Variants in ADGRA3 observed in about 807,000 individuals in gnomAD.
ADGRA3 encodes G-protein coupled receptor 125.
In ADGRA3, 56 loss-of-function variants were observed where a neutral mutation model predicts 119.8. That is an observed-to-expected ratio of 0.47 (90% confidence interval 0.38 to 0.58). The LOEUF is 0.58. Among genes scored for constraint, ADGRA3 ranks in the 20% least tolerant of loss-of-function variants. The pLI, the probability that ADGRA3 is intolerant of heterozygous loss-of-function variation, is 0.00. For synonymous variants in ADGRA3, 607 were observed against 623.8 expected, an observed-to-expected ratio of 0.97 and a Z score of 0.40; for missense variants, 1,516 against 1,649.0, an observed-to-expected ratio of 0.92 and a Z score of 1.40.
At chr4:22,410,861 GAA>G (rs1284912311) in intron 14 of ADGRA3, among the ~76,000 whole-genome samples, 6 of 151,938 alleles carry the variant, frequency 3.9e-5, no homozygotes, top group Admixed American at 1.3e-4. Flanking sequence ...TTAAGAAAAG[GAA>G]AAAGTCTTTG....
At chr4:22,434,263 ATATAT>A (rs1716307589) in intron 10 of ADGRA3, among the ~76,000 whole-genome samples, 1 of 149,900 alleles carries the variant, frequency 6.7e-6, no homozygotes, top group Non-Finnish European at 1.5e-5. Context: ...ATATATAAAA[ATATAT>A]TAGAATGATT....
chr4:22,485,180 C>G (rs778597174), intron 1 of ADGRA3, among the ~76,000 whole-genome samples: 3 of 152,102 alleles, frequency 2.0e-5, no homozygotes, highest in Non-Finnish European at 4.4e-5. Flanking sequence ...CTCCTGGGTT[C>G]AAGCAATTCT....
At chr4:22,504,187 G>A (rs552167683) in intron 1 of ADGRA3, among the ~76,000 whole-genome samples, 1 of 151,826 alleles carries the variant, frequency 6.6e-6, no homozygotes, top group South Asian at 2.1e-4. Context: ...TTGCAAATAT[G>A]CACAATTCAA....
At chr4:22,409,308 A>C (rs2109017951) in intron 14 of ADGRA3, among the ~76,000 whole-genome samples, 1 of 152,348 alleles carries the variant, frequency 6.6e-6, no homozygotes, top group African/African-American at 2.4e-5. Context: ...CACTGTACAA[A>C]CCACTAGAAA....
chr4:22,390,443 TATAA>T (rs1488539514), intron 17 of ADGRA3, among the ~76,000 whole-genome samples: 2 of 64,814 alleles, frequency 3.1e-5, no homozygotes, highest in African/African-American at 6.2e-5. Context: ...TATATATATA[TATAA>T]AATACGTATT....
intron 17 of ADGRA3, among the ~76,000 whole-genome samples, chr4:22,390,607 A>C (rs541726769): frequency 4.0e-5 from 6 of 151,786 alleles, no homozygotes; most frequent in African/African-American, 1.4e-4. Context: ...GATGCTAAAA[A>C]TGTCCTCTCT....
Position 22,387,869 on chromosome 4 carries a change from T to A in ADGRA3, c.3802A>T (p.Lys1268Ter). 1 of 1,614,190 alleles carries A rather than the reference T, an allele frequency of 6.2e-7. No individual in the cohort carries two copies. Among genetic ancestry groups the A allele is most frequent in the Non-Finnish European group, 8.5e-7 (1 of 1,180,008 alleles). Reference protein sequence around the residue: ...STTSKKDALRKPAVVELENQQ... With the variant: ...STTSKKDALR ...TTTTCAAGTTCAACCACAGCTGGCTTCCTTAACGCATCTTTTTTACTAGTG... is the reference window on the plus strand; with the variant it reads ...TTTTCAAGTTCAACCACAGCTGGCTACCTTAACGCATCTTTTTTACTAGTG... The change falls in exon 19 of 19, where the codon AAG becomes TAG. Residue 1268 changes from lysine to a stop codon, truncating the protein, a stop_gained. Transcript: ENST00000334304. LOFTEE classifies it high-confidence loss of function.
In ADGRA3 at chr4:22,447,480, A is replaced by C. The variant is rs1716874572; in HGVS notation, c.505T>G (p.Ser169Ala). The C allele has an allele frequency of 1.3e-6, 2 of 1,581,836 alleles. No homozygotes were observed. The highest frequency in any genetic ancestry group is 2.3e-5 in the East Asian group (1 of 44,216). ...GCAAGATAATCAAAAGTTCCTTGAG[A>C]TAATGAAGAAAACAAATTCCCCGAA... ...NLSGNLFSSL[S>A]QGTFDYLASL... Residue 169 changes from serine to alanine, a missense_variant, in exon 5 of 19, where the codon TCT becomes GCT. By Grantham distance (99) the Ser-to-Ala change is moderately conservative (BLOSUM62 1). This residue lies in a region of ADGRA3 where 428 missense variants were observed against 541.9 expected (regional missense o/e 0.79). Transcript: ENST00000334304.
chr4:22,487,484 C>T (rs1296886101), intron 1 of ADGRA3, among the ~76,000 whole-genome samples: 5 of 152,154 alleles, frequency 3.3e-5, no homozygotes, highest in African/African-American at 7.2e-5. Context: ...CTTGCTCACC[C>T]GCCACTCAAC....
chr4:22,424,691 G>A (rs1363000363), intron 10 of ADGRA3, among the ~76,000 whole-genome samples: 1 of 152,190 alleles, frequency 6.6e-6, no homozygotes, highest in Admixed American at 6.5e-5. Context: ...AGAATAAAAA[G>A]ATCTTGACTG....
intron 12 of ADGRA3, among the ~76,000 whole-genome samples, chr4:22,416,359 G>A (rs566702487): frequency 9.9e-5 from 15 of 152,198 alleles, no homozygotes; most frequent in Admixed American, 4.6e-4. Flanking sequence ...ACAAGTTTTC[G>A]GTTTCCAGTA....
chr4:22,425,705 C>T (rs1034048802), intron 10 of ADGRA3, among the ~76,000 whole-genome samples: 3 of 152,144 alleles, frequency 2.0e-5, no homozygotes, highest in African/African-American at 4.8e-5. Context: ...AGAAGATCTC[C>T]GCTGAGATTT....
At chr4:22,442,446 C>A (rs1298301391) in intron 7 of ADGRA3, among the ~76,000 whole-genome samples, 2 of 151,972 alleles carry the variant, frequency 1.3e-5, no homozygotes, top group Non-Finnish European at 2.9e-5. Context: ...GAAATTAAGT[C>A]TTTTCTTTAA....
At chr4:22,466,452 C>A (rs1023794273) in intron 2 of ADGRA3, among the ~76,000 whole-genome samples, 2 of 152,156 alleles carry the variant, frequency 1.3e-5, no homozygotes, top group African/African-American at 4.8e-5. Context: ...GAATGCTGGG[C>A]GCATTGGCTC....
chr4:22,444,945 G>C (rs770854239), intron 6 of ADGRA3, 28 bp downstream of exon 6: 22 of 1,609,458 alleles, frequency 1.4e-5, no homozygotes, highest in Non-Finnish European at 1.7e-6. Context: ...TATGGTAAAT[G>C]CTTTCTCAGT....
Position 22,388,260 on chromosome 4 carries a change from C to T in ADGRA3, c.3411G>A (p.Gln1137=), listed in dbSNP as rs1713932743. ...AATGTTCTGTCAGACTATTATCAAG[C>T]TGAGGGGTGGAGTTCAAAGGTAAAG... ...ANSLPLNSTP[Q]LDNSLTEHSM... Residue 1137 remains glutamine (Q), a synonymous_variant, in exon 19 of 19, where the codon CAG becomes CAA. Transcript: ENST00000334304. The T allele has an allele frequency of 1.9e-6, 3 of 1,613,906 alleles. No homozygotes were observed. The highest frequency in any genetic ancestry group is 2.5e-6 in the Non-Finnish European group (3 of 1,179,874).
chr4:22,414,396 A>C (rs1715348433), intron 12 of ADGRA3: 1 of 465,940 alleles, frequency 2.1e-6, no homozygotes. Context: ...GAACAACTGA[A>C]AATGCTGACT....
In ADGRA3 at chr4:22,492,220, G is replaced by A. The variant is rs763195712; in HGVS notation, c.258-18377C>T. Among the ~76,000 whole-genome samples, 9 of 152,108 alleles carry A rather than the reference G, an allele frequency of 5.9e-5. 1 individual carries two copies. The highest frequency in any genetic ancestry group is 4.6e-4 in the Admixed American group (7 of 15,272). On this transcript the variant is annotated intron_variant, in intron 1 of 18. Coordinates refer to ENST00000334304, the MANE Select transcript of ADGRA3 (RefSeq NM_145290.4). ...GAAAGTCCATCCCAACCAGCGCTTC[G>A]TCTCCTCCTATTTCCTTAGGACTAG...
intron 4 of ADGRA3, 85 bp downstream of exon 4, chr4:22,454,781 A>T: frequency 1.0e-6 from 1 of 991,644 alleles, no homozygotes; most frequent in Non-Finnish European, 1.6e-6. Flanking sequence ...TGCTACTTAT[A>T]ATTAAATACA....
Sources: allele counts gnomAD v4.1 joint callset (sites outside exome capture counted in the v4.1 genomes callset), GRCh38; gene constraint gnomAD v4.1.1; regional missense constraint gnomAD v4.1.1; transcripts MANE v1.5; gene names NCBI Gene and HGNC (gene_info 2026-07-23, HGNC 2026-07-21).